The following SAMTOR variants were observed in gnomAD, a reference collection of about 807,000 sequenced individuals.
SAMTOR encodes UPF0532 protein C7orf60.
the SAMTOR span, among the ~76,000 whole-genome samples, chr7:112,931,762 T>G: frequency 1.3e-5 from 2 of 152,114 alleles, no homozygotes; most frequent in Non-Finnish European, 2.9e-5. Flanking sequence ...TGGGTATTAG[T>G]GTATCTACAC....
chr7:112,903,850 A>T, the SAMTOR span, among the ~76,000 whole-genome samples: 7 of 152,198 alleles, frequency 4.6e-5, no homozygotes. Flanking sequence ...GAACTCAGAG[A>T]ACATCATAAT....
At chr7:112,899,789 G>GA in the SAMTOR span, among the ~76,000 whole-genome samples, 477 of 113,316 alleles carry the variant, frequency 4.2e-3, 4 homozygotes, top group African/African-American at 0.013. Flanking sequence ...TGTGCTGAAG[G>GA]AAAAAAAAAA....
chr7:112,860,825 T>C, the SAMTOR span, among the ~76,000 whole-genome samples: 1 of 142,880 alleles, frequency 7.0e-6, no homozygotes, highest in African/African-American at 2.7e-5. Flanking sequence ...GACAGGAGAA[T>C]GGCGTGAACC....
chr7:112,922,901 C>A, the SAMTOR span, among the ~76,000 whole-genome samples: 45 of 111,646 alleles, frequency 4.0e-4, 2 homozygotes, highest in African/African-American at 8.1e-4. Context: ...CCCCCCCCCC[C>A]GGGCCAGCCG....
chr7:112,828,952 G>A, the SAMTOR span, among the ~76,000 whole-genome samples: 1 of 152,094 alleles, frequency 6.6e-6, no homozygotes, highest in African/African-American at 2.4e-5. Flanking sequence ...TTTATCACTA[G>A]TTTTAGAAGT....
At chr7:112,927,524 C>A in the SAMTOR span, among the ~76,000 whole-genome samples, 1 of 151,860 alleles carries the variant, frequency 6.6e-6, no homozygotes, top group Admixed American at 6.6e-5. Flanking sequence ...TAATTAATAA[C>A]CCATTTTCTT....
chr7:112,834,690 T>C, the SAMTOR span, among the ~76,000 whole-genome samples: 11 of 152,170 alleles, frequency 7.2e-5, no homozygotes, highest in Non-Finnish European at 8.8e-5. Context: ...GATCCTGATA[T>C]CTAACAATTC....
chr7:112,918,482 A>G, the SAMTOR span, among the ~76,000 whole-genome samples: 2 of 152,224 alleles, frequency 1.3e-5, no homozygotes, highest in African/African-American at 2.4e-5. Context: ...ACTACCAGCC[A>G]CTGCAAAATC....
chr7:112,899,191 A>C, the SAMTOR span, among the ~76,000 whole-genome samples: 2 of 152,184 alleles, frequency 1.3e-5, no homozygotes, highest in Non-Finnish European at 1.5e-5. Flanking sequence ...ACTTCAAAAA[A>C]ACAGAGAAGG....
chr7:112,840,597 T>C, the SAMTOR span, among the ~76,000 whole-genome samples: 1 of 151,900 alleles, frequency 6.6e-6, no homozygotes, highest in African/African-American at 2.4e-5. Flanking sequence ...CAAGACAAGA[T>C]AATAATGTTA....
chr7:112,898,924 ACTTT>A, the SAMTOR span, among the ~76,000 whole-genome samples: 1 of 152,236 alleles, frequency 6.6e-6, no homozygotes, highest in African/African-American at 2.4e-5. Context: ...CTTAGGTAAT[ACTTT>A]AGATAAACTC....
the SAMTOR span, among the ~76,000 whole-genome samples, chr7:112,889,152 ATC>A: frequency 6.6e-6 from 1 of 152,180 alleles, no homozygotes; most frequent in South Asian, 2.1e-4. Context: ...TGTCTATAAT[ATC>A]TGTTCTATGG....
At chr7:112,881,900 C>A in the SAMTOR span, among the ~76,000 whole-genome samples, 1 of 152,196 alleles carries the variant, frequency 6.6e-6, no homozygotes, top group African/African-American at 2.4e-5. Flanking sequence ...CTGAAATGGC[C>A]CCCTACCCCG....
the SAMTOR span, among the ~76,000 whole-genome samples, chr7:112,917,175 C>A: frequency 1.3e-5 from 2 of 152,214 alleles, no homozygotes; most frequent in African/African-American, 4.8e-5. Flanking sequence ...CCCCTGACCC[C>A]CGAGCAGCCT....
chr7:112,879,309 G>A, the SAMTOR span, among the ~76,000 whole-genome samples: 8 of 151,616 alleles, frequency 5.3e-5, no homozygotes, highest in Admixed American at 5.3e-4. Flanking sequence ...ATGTGCAGCT[G>A]CCATACGCTG....
the SAMTOR span, among the ~76,000 whole-genome samples, chr7:112,905,612 G>T: frequency 6.6e-6 from 1 of 152,090 alleles, no homozygotes; most frequent in African/African-American, 2.4e-5. Flanking sequence ...TGCAAGGATG[G>T]TTCAGCATAA....
the SAMTOR span, among the ~76,000 whole-genome samples, chr7:112,917,649 C>T: frequency 1.3e-5 from 2 of 152,074 alleles, no homozygotes; most frequent in African/African-American, 2.4e-5. Context: ...CAAACTACTC[C>T]GAGCTAAAGG....
At chr7:112,866,246 A>G in the SAMTOR span, among the ~76,000 whole-genome samples, 1 of 152,202 alleles carries the variant, frequency 6.6e-6, no homozygotes, top group Non-Finnish European at 1.5e-5. Context: ...TACACAATAT[A>G]ATAAATGTAT....
chr7:112,860,406 GCTTT>G, the SAMTOR span, among the ~76,000 whole-genome samples: 1 of 152,054 alleles, frequency 6.6e-6, no homozygotes, highest in African/African-American at 2.4e-5. Context: ...TGATGGTTGA[GCTTT>G]CTGTTTGTTA....
Sources: gnomAD v4.1 joint callset for allele counts (sites outside exome capture counted in the v4.1 genomes callset) on GRCh38, gnomAD v4.1.1 for gene constraint, MANE v1.5 for transcripts, NCBI Gene and HGNC (gene_info 2026-07-23, HGNC 2026-07-21) for gene names.